GNAL: variants seen among roughly 807,000 people sequenced by gnomAD.
GNAL encodes guanine nucleotide-binding protein G(olf) subunit alpha.
GNAL carries 18 observed loss-of-function variants against 55.1 expected under a neutral mutation model. The ratio of observed to expected loss-of-function variants is 0.33; its 90% CI spans 0.23 to 0.48. GNAL has a LOEUF of 0.48. Among genes scored for constraint, GNAL ranks in the 20% least tolerant of loss-of-function variants. The pLI is 0.99. For missense variants in GNAL, 412 were observed against 614.1 expected (o/e 0.67, Z 3.48); for synonymous variants, 253 against 237.0 (o/e 1.07, Z -0.62).
intron 1 of GNAL, among the ~76,000 whole-genome samples, chr18:11,716,970 C>T (rs1023552108): frequency 3.3e-5 from 5 of 152,172 alleles, no homozygotes; most frequent in African/African-American, 4.8e-5. Flanking sequence ...CTTAGGTGGT[C>T]GATGGGACTG....
chr18:11,767,535 T>C (rs2033449306), intron 4 of GNAL, among the ~76,000 whole-genome samples: 1 of 152,146 alleles, frequency 6.6e-6, no homozygotes, highest in South Asian at 2.1e-4. Context: ...TGCTGTACTC[T>C]GTGAGCCCTT....
At chr18:11,810,360 G>C (rs764050803) in intron 4 of GNAL, 2 of 152,350 alleles carry the variant, frequency 1.3e-5, no homozygotes, top group African/African-American at 2.4e-5. Context: ...GCATCACTGC[G>C]CTCCAGCCTG....
intron 5 of GNAL, among the ~76,000 whole-genome samples, chr18:11,839,842 G>A (rs745525929): frequency 3.3e-5 from 5 of 152,160 alleles, no homozygotes; most frequent in Non-Finnish European, 5.9e-5. Flanking sequence ...CACTTCCTTC[G>A]TCCCAGTGAA....
At chr18:11,867,414 C>T (rs779581466) in intron 8 of GNAL, among the ~76,000 whole-genome samples, 188 bp downstream of exon 8, 1 of 152,146 alleles carries the variant, frequency 6.6e-6, no homozygotes, top group Non-Finnish European at 1.5e-5. Context: ...CACGGTGGCT[C>T]ACGCCCGTAA....
chr18:11,831,942 A>T (rs2035392519), intron 5 of GNAL, among the ~76,000 whole-genome samples: 3 of 152,248 alleles, frequency 2.0e-5, no homozygotes, highest in African/African-American at 7.2e-5. Flanking sequence ...TGAGCCTTAA[A>T]TACTGTGTTT....
chr18:11,851,890 G>A (rs2035878351), intron 5 of GNAL: 1 of 1,613,906 alleles, frequency 6.2e-7, no homozygotes, highest in Non-Finnish European at 8.5e-7. Flanking sequence ...GACTCTGGAC[G>A]TCCAGACGCA....
intron 2 of GNAL, 108 bp downstream of exon 2, chr18:11,753,033 G>T: frequency 1.6e-6 from 1 of 617,420 alleles, no homozygotes; most frequent in South Asian, 2.1e-5. Flanking sequence ...TAATGGAGTA[G>T]ACATTCAAGG....
chr18:11,707,048 C>A (rs1018456849), intron 1 of GNAL, among the ~76,000 whole-genome samples: 1 of 152,124 alleles, frequency 6.6e-6, no homozygotes. Context: ...CACTCTGTCA[C>A]CCAGGCTGGA....
chr18:11,694,839 T>G (rs2031359820), intron 1 of GNAL, among the ~76,000 whole-genome samples: 1 of 152,174 alleles, frequency 6.6e-6, no homozygotes, highest in African/African-American at 2.4e-5. Flanking sequence ...CAGGGTTGGT[T>G]TCTGGTGAGG....
rs2032980111 is a variant in GNAL, at chr18:11,754,640, G to C, written c.624+695G>C. Reference sequence around the variant, plus strand: ...TTATGGTAGGTAATTGCTTCCATGGGAATTACAGAAAGAGCAGAATTCAGT... The same window carrying C: ...TTATGGTAGGTAATTGCTTCCATGGCAATTACAGAAAGAGCAGAATTCAGT... On this transcript the variant is annotated intron_variant, in intron 4 of 11. Coordinates refer to ENST00000334049, the MANE Select transcript of GNAL (RefSeq NM_182978.4). Among the ~76,000 whole-genome samples, 3 of 152,264 alleles carry C rather than the reference G, an allele frequency of 2.0e-5. 1 individual carries two copies. The South Asian group carries it at 6.2e-4, about 32-fold the overall frequency.
chr18:11,734,553 T>C (rs2032419072), intron 1 of GNAL, among the ~76,000 whole-genome samples: 1 of 151,764 alleles, frequency 6.6e-6, no homozygotes, highest in South Asian at 2.1e-4. Context: ...GATATGTCCT[T>C]GGAGAGCAGC....
intron 4 of GNAL, among the ~76,000 whole-genome samples, chr18:11,796,581 A>AC (rs796937871): frequency 4.6e-4 from 68 of 148,208 alleles, no homozygotes; most frequent in African/African-American, 1.7e-3. Context: ...CTCACAAAAA[A>AC]AAAAAAAAAA....
chr18:11,817,696 C>T (rs1336854056), intron 4 of GNAL, among the ~76,000 whole-genome samples: 1 of 151,946 alleles, frequency 6.6e-6, no homozygotes, highest in Non-Finnish European at 1.5e-5. Flanking sequence ...TTCCAGTGAT[C>T]TCCTGTCTCA....
At chr18:11,705,643 G>A (rs1460977666) in intron 1 of GNAL, among the ~76,000 whole-genome samples, 3 of 151,862 alleles carry the variant, frequency 2.0e-5, no homozygotes, top group African/African-American at 7.3e-5. Flanking sequence ...TTTGATAATG[G>A]CCATCCTAAC....
chr18:11,837,303 A>C (rs1440607617), intron 5 of GNAL, among the ~76,000 whole-genome samples: 5 of 152,152 alleles, frequency 3.3e-5, no homozygotes, highest in Non-Finnish European at 7.4e-5. Flanking sequence ...GTACATATAG[A>C]GGTCCTTATG....
intron 4 of GNAL, among the ~76,000 whole-genome samples, chr18:11,783,726 T>C (rs376658098): frequency 1.1e-3 from 171 of 152,364 alleles, no homozygotes; most frequent in African/African-American, 4.0e-3. Flanking sequence ...AAAAATATTA[T>C]TTCAGCATGT....
chr18:11,801,777 C>T (rs1325134870), intron 4 of GNAL, among the ~76,000 whole-genome samples: 1 of 152,082 alleles, frequency 6.6e-6, no homozygotes, highest in Non-Finnish European at 1.5e-5. Context: ...GGGATGATGT[C>T]ATGGTTTATT....
chr18:11,766,704 C>T (rs528181940), intron 4 of GNAL, among the ~76,000 whole-genome samples: 2 of 152,194 alleles, frequency 1.3e-5, no homozygotes, highest in African/African-American at 4.8e-5. Context: ...AGTAAATTAG[C>T]TGGAAACTGC....
chr18:11,716,785 G>A (rs535771242), intron 1 of GNAL, among the ~76,000 whole-genome samples: 2 of 152,246 alleles, frequency 1.3e-5, no homozygotes, highest in South Asian at 4.1e-4. Context: ...TACAAACTTT[G>A]AGCTAGATAC....
Sources: allele counts gnomAD v4.1 joint callset (sites outside exome capture counted in the v4.1 genomes callset), GRCh38; gene constraint gnomAD v4.1.1; transcripts MANE v1.5; gene names NCBI Gene and HGNC (gene_info 2026-07-23, HGNC 2026-07-21).